Variants in ELSPBP1 observed in about 807,000 individuals in gnomAD.
ELSPBP1 encodes epididymal sperm binding protein 1.
Under a neutral mutation model 33.3 loss-of-function variants are expected in ELSPBP1, and 38 were observed. The observed-to-expected ratio is 1.14, with a 90% CI of 0.88 to 1.50. ELSPBP1 has a LOEUF of 1.50. ELSPBP1 is among the 40% of genes most tolerant of loss of function. The pLI, the probability that ELSPBP1 is intolerant of heterozygous loss-of-function variation, is 0.00. For missense variants in ELSPBP1, 267 were observed against 263.5 expected (o/e 1.01, Z -0.09); for synonymous variants, 85 against 94.1 (o/e 0.90, Z 0.56).
chr19:48,012,269 G>GCAC (rs1967087132), intron 2 of ELSPBP1, among the ~76,000 whole-genome samples: 2 of 151,838 alleles, frequency 1.3e-5, no homozygotes, highest in Admixed American at 1.3e-4. Flanking sequence ...GATTACAGGG[G>GCAC]CACACCACCA....
intron 4 of ELSPBP1, among the ~76,000 whole-genome samples, chr19:48,016,743 C>T (rs190773617): frequency 2.1e-4 from 32 of 151,788 alleles, no homozygotes; most frequent in Middle Eastern, 6.8e-3. Flanking sequence ...GGATTGCAGG[C>T]GCCCACCACC....
At chr19:48,001,946 G>A (rs564109208) in intron 1 of ELSPBP1, among the ~76,000 whole-genome samples, 3 of 152,080 alleles carry the variant, frequency 2.0e-5, no homozygotes, top group Non-Finnish European at 4.4e-5. Context: ...ATCCTCCTGC[G>A]TCAGCTTCCT....
chr19:48,010,540 A>G (rs1041963058), intron 2 of ELSPBP1, among the ~76,000 whole-genome samples: 1 of 152,250 alleles, frequency 6.6e-6, no homozygotes, highest in Non-Finnish European at 1.5e-5. Flanking sequence ...TAAATGAATT[A>G]TTTTTAAAAA....
intron 5 of ELSPBP1, among the ~76,000 whole-genome samples, chr19:48,020,604 G>T (rs2122335121): frequency 6.6e-6 from 1 of 152,284 alleles, no homozygotes; most frequent in Non-Finnish European, 1.5e-5. Context: ...TGGAATCCAT[G>T]AAAGATGAGG....
chr19:47,999,387 C>CTT (rs397937280), intron 1 of ELSPBP1, among the ~76,000 whole-genome samples: 59,026 of 129,640 alleles, frequency 0.46, 13,914 homozygotes, highest in African/African-American at 0.55. Flanking sequence ...AGCCTCATTT[C>CTT]TTTTTTTTTT....
chr19:48,008,987 T>C (rs1483909226), intron 2 of ELSPBP1, among the ~76,000 whole-genome samples: 1 of 151,818 alleles, frequency 6.6e-6, no homozygotes, highest in Non-Finnish European at 1.5e-5. Context: ...AATACAAAAA[T>C]TAGCCAGGCA....
At chr19:48,023,860 T>C (rs1186274538) in intron 6 of ELSPBP1, among the ~76,000 whole-genome samples, 1 of 151,872 alleles carries the variant, frequency 6.6e-6, no homozygotes, top group African/African-American at 2.4e-5. Context: ...TTTTTTTCTT[T>C]TTCTTTATTT....
intron 6 of ELSPBP1, among the ~76,000 whole-genome samples, chr19:48,024,215 C>A (rs758408151): frequency 4.6e-5 from 7 of 152,122 alleles, no homozygotes; most frequent in Non-Finnish European, 7.4e-5. Flanking sequence ...CTTTTCCTCT[C>A]TCTACATTCT....
Position 48,021,074 on chromosome 19 carries a change from G to C in ELSPBP1, c.515-1096G>C, listed in dbSNP as rs368435144. Among the ~76,000 whole-genome samples the C allele has an allele frequency of 1.2e-4, 18 of 152,178 alleles. No individual in the cohort carries two copies. In the South Asian group the frequency reaches 1.2e-3, roughly 11 times the overall value. On this transcript the variant is annotated intron_variant, in intron 5 of 6. Transcript: ENST00000339841. ...GGCTTCCAGTTTGTACTATTTATGGGGTCATCTTTCATGAGGACATCATTT... is the reference window on the plus strand; with the variant it reads ...GGCTTCCAGTTTGTACTATTTATGGCGTCATCTTTCATGAGGACATCATTT...
rs1967255511 is a variant in ELSPBP1, at chr19:48,025,029, T to C, written c.*85T>C. The C allele has an allele frequency of 6.6e-6, 1 of 152,220 alleles. No individual in the cohort carries two copies. The highest frequency in any genetic ancestry group is 6.6e-5 in the Admixed American group (1 of 15,262). 9.4% of individuals were successfully genotyped at this position (152,220 alleles called of 1,614,324 possible). ...AGATTTGTCTTTTTCATTGCATCTG[T>C]CAAGCTTAAATAACCACCTTTAGAA... On this transcript the variant is annotated 3_prime_UTR_variant, in exon 7 of 7. Transcript: ENST00000339841.
In ELSPBP1 at chr19:48,011,718, G is replaced by A. The variant is rs1190950394; in HGVS notation, c.71-2453G>A. On this transcript the variant is annotated intron_variant, in intron 2 of 6. Coordinates refer to ENST00000339841, the MANE Select transcript of ELSPBP1 (RefSeq NM_022142.5). The surrounding 1 kb of genome is among the most constrained non-coding windows in gnomAD (Gnocchi z 4.5). ...TGATGATGATCATGACAATGATGAT[G>A]AGCATTATGATGATGCCAATGACAA... is the stretch of plus-strand genomic sequence containing the variant. Among the ~76,000 whole-genome samples, 1 of 151,946 alleles carries A rather than the reference G, an allele frequency of 6.6e-6. No individual in the cohort carries two copies.
chr19:48,019,588 G>A lies in ELSPBP1; in HGVS notation c.356-131G>A, dbSNP rs147549812. On this transcript the variant is annotated intron_variant, in intron 4 of 6. Transcript: ENST00000339841. ...TAACATTGGGATAATAACGTCATCC[G>A]GAAGTTGCTTGGAGAATCCAATGTG... 55 of 778,716 alleles carry A rather than the reference G, an allele frequency of 7.1e-5. 1 individual carries two copies. The highest frequency in any genetic ancestry group is 5.4e-4 in the African/African-American group (31 of 57,592). The allele number at this position is 778,716 out of a possible 1,614,324, so 48.2% of individuals were successfully genotyped here.
chr19:47,997,431 T>C (rs1966922363), intron 1 of ELSPBP1, among the ~76,000 whole-genome samples: 2 of 152,226 alleles, frequency 1.3e-5, no homozygotes, highest in Non-Finnish European at 2.9e-5. Context: ...TGTATACATA[T>C]ATACACATCT....
At chr19:48,018,674 G>C (rs1381595544) in intron 4 of ELSPBP1, among the ~76,000 whole-genome samples, 1 of 152,090 alleles carries the variant, frequency 6.6e-6, no homozygotes, top group African/African-American at 2.4e-5. Flanking sequence ...GCAAAGCTGT[G>C]ATTTTGATCC....
At chr19:48,016,422 C>A (rs1967133149) in intron 4 of ELSPBP1, among the ~76,000 whole-genome samples, 1 of 148,250 alleles carries the variant, frequency 6.7e-6, no homozygotes, top group Non-Finnish European at 1.5e-5. Context: ...TTCCTTTCCT[C>A]CCTCCCTTCC....
Position 47,998,786 on chromosome 19 carries a change from CAAAAA to C in ELSPBP1, c.-18+3991_-18+3995del, listed in dbSNP as rs34853595. The stretch of plus-strand genomic sequence containing the variant: ...TGGGTGACAGAGCCAGACTCCGTCT[CAAAAA>C]AAAAAAAAAAAAAAATGCAGAGTCC... On this transcript the variant is annotated intron_variant, in intron 1 of 6. Transcript: ENST00000339841. Among the ~76,000 whole-genome samples the C allele has an allele frequency of 3.3e-3, 371 of 110,950 alleles. 4 individuals carry two copies. The highest frequency in any genetic ancestry group is 0.024 in the East Asian group (91 of 3,788). 72.8% of individuals were successfully genotyped at this position (110,950 alleles called of 152,430 possible).
At chr19:47,996,128 G>A (rs1381929149) in intron 1 of ELSPBP1, among the ~76,000 whole-genome samples, 2 of 152,180 alleles carry the variant, frequency 1.3e-5, no homozygotes, top group African/African-American at 4.8e-5. Flanking sequence ...TAGGGTTCTT[G>A]AATACTCATT....
At chr19:48,005,272 G>C (rs1967006490) in intron 1 of ELSPBP1, among the ~76,000 whole-genome samples, 1 of 152,078 alleles carries the variant, frequency 6.6e-6, no homozygotes, top group South Asian at 2.1e-4. Flanking sequence ...AGAGGAGAGA[G>C]GCTGGAGGCT....
At chr19:48,003,910 T>TATTCC (rs1966992232) in intron 1 of ELSPBP1, among the ~76,000 whole-genome samples, 4 of 113,220 alleles carry the variant, frequency 3.5e-5, no homozygotes, top group Non-Finnish European at 7.7e-5. Context: ...TATTCTATTC[T>TATTCC]ATTCTATTCT....
Sources: allele counts gnomAD v4.1 joint callset (sites outside exome capture counted in the v4.1 genomes callset), GRCh38; gene constraint gnomAD v4.1.1; non-coding constraint Gnocchi (gnomAD v3.1); transcripts MANE v1.5; gene names NCBI Gene and HGNC (gene_info 2026-07-23, HGNC 2026-07-21).